POLN: variants seen among roughly 807,000 people sequenced by gnomAD.
POLN encodes DNA polymerase N.
In POLN, 108 loss-of-function variants were observed where a neutral mutation model predicts 113.5. The ratio of observed to expected loss-of-function variants is 0.95; its 90% CI spans 0.81 to 1.12. The LOEUF (loss-of-function observed/expected upper bound fraction) is 1.12, where lower values mean the gene tolerates loss of function less well. Among genes scored for constraint, POLN ranks in the 50% most tolerant of loss-of-function variants. The pLI, the probability that POLN is intolerant of heterozygous loss-of-function variation, is 0.00. For missense variants in POLN, 1,097 were observed against 1,077.1 expected (o/e 1.02, Z -0.26); for synonymous variants, 386 against 391.5 (o/e 0.99, Z 0.17).
intron 19 of POLN, among the ~76,000 whole-genome samples, chr4:2,110,197 C>A (rs1449451997): frequency 1.3e-5 from 2 of 152,098 alleles, no homozygotes; most frequent in Non-Finnish European, 2.9e-5. Flanking sequence ...CCAATGAGAA[C>A]AAAGACACAA....
chr4:2,086,833 T>C (rs1296111781), intron 20 of POLN, among the ~76,000 whole-genome samples: 1 of 152,176 alleles, frequency 6.6e-6, no homozygotes, highest in Non-Finnish European at 1.5e-5. Context: ...AGGGTTGTAC[T>C]AGAGGGTGCT....
intron 23 of POLN, chr4:2,079,996 A>G (rs1730365457): frequency 1.0e-6 from 1 of 985,324 alleles, no homozygotes; most frequent in South Asian, 4.7e-5. Flanking sequence ...TCCCTGGGGC[A>G]GTGCTTAGAC....
At chr4:2,113,303 G>C (rs1256162498) in intron 19 of POLN, among the ~76,000 whole-genome samples, 3 of 150,498 alleles carry the variant, frequency 2.0e-5, no homozygotes, top group Admixed American at 2.0e-4. Context: ...GAGTTAATGG[G>C]TGCAGCACAC....
chr4:2,115,447 A>G (rs1731294454), intron 19 of POLN, among the ~76,000 whole-genome samples: 1 of 152,002 alleles, frequency 6.6e-6, no homozygotes, highest in African/African-American at 2.4e-5. Context: ...ATTGAAATTT[A>G]TCAACTCTTA....
intron 19 of POLN, among the ~76,000 whole-genome samples, chr4:2,108,220 A>G (rs998058974): frequency 6.6e-6 from 1 of 152,224 alleles, no homozygotes; most frequent in Non-Finnish European, 1.5e-5. Context: ...CCAAGACCCA[A>G]GGGCTCAGAT....
At chr4:2,203,605 T>G (rs1164577397) in intron 5 of POLN, among the ~76,000 whole-genome samples, 1 of 147,564 alleles carries the variant, frequency 6.8e-6, no homozygotes, top group African/African-American at 2.5e-5. Context: ...ATCTTCAAAC[T>G]GAACAACAAT....
intron 20 of POLN, among the ~76,000 whole-genome samples, chr4:2,094,431 G>A (rs1016680613): frequency 6.6e-6 from 1 of 150,910 alleles, no homozygotes; most frequent in Admixed American, 6.6e-5. Context: ...AGCCACAGAT[G>A]TGATCACAGC....
intron 19 of POLN, among the ~76,000 whole-genome samples, chr4:2,121,752 T>A (rs1731449064): frequency 6.6e-6 from 1 of 152,100 alleles, no homozygotes; most frequent in South Asian, 2.1e-4. Flanking sequence ...TCATCCTTGT[T>A]AGAGTTTATC....
chr4:2,189,397 T>A (rs1305266695), intron 7 of POLN, among the ~76,000 whole-genome samples: 1 of 152,118 alleles, frequency 6.6e-6, no homozygotes, highest in East Asian at 1.9e-4. Flanking sequence ...CCCAGCACTT[T>A]GGGAGGCTGA....
intron 19 of POLN, among the ~76,000 whole-genome samples, chr4:2,105,969 T>TA (rs1731056770): frequency 6.6e-6 from 1 of 152,126 alleles, no homozygotes; most frequent in South Asian, 2.1e-4. Flanking sequence ...CTTCTTAAGA[T>TA]GCCCTGGAAG....
At chr4:2,131,409 G>T in intron 16 of POLN, 119 bp from the exon 17 acceptor site, 2 of 649,106 alleles carry the variant, frequency 3.1e-6, no homozygotes, top group South Asian at 2.0e-5. Flanking sequence ...AATGTAACAT[G>T]CATAAGCACA....
At chr4:2,193,502 A>T (rs1283585660) in intron 6 of POLN, among the ~76,000 whole-genome samples, 186 bp from the exon 7 acceptor site, 1 of 152,172 alleles carries the variant, frequency 6.6e-6, no homozygotes, top group Non-Finnish European at 1.5e-5. Flanking sequence ...TGAGACACAG[A>T]GAGACGAGAT....
At chr4:2,218,259 C>A (rs1449912264) in intron 3 of POLN, among the ~76,000 whole-genome samples, 1 of 148,332 alleles carries the variant, frequency 6.7e-6, no homozygotes, top group Non-Finnish European at 1.5e-5. Flanking sequence ...TGGAGAAAGC[C>A]CGTCTCTACT....
At chr4:2,241,038 T>C in intron 2 of POLN, 1 of 911,552 alleles carries the variant, frequency 1.1e-6, no homozygotes, top group South Asian at 1.5e-5. Flanking sequence ...AGCTACGTTT[T>C]ATACCAAGTC....
intron 15 of POLN, among the ~76,000 whole-genome samples, chr4:2,157,615 T>C (rs1204381279): frequency 6.7e-6 from 1 of 149,592 alleles, no homozygotes; most frequent in East Asian, 2.0e-4. Context: ...CCCAGCTACT[T>C]GGGAGGCTGA....
At chr4:2,078,712 C>T in intron 23 of POLN, 2 of 985,476 alleles carry the variant, frequency 2.0e-6, no homozygotes, top group Non-Finnish European at 2.4e-6. Context: ...AGACCATGTG[C>T]CCAATATTCC....
rs564784470 is a variant in POLN, at chr4:2,228,510, TGTATTTTTA to T, written c.133+580_133+588del. The T allele has an allele frequency of 6.6e-4, 130 of 196,134 alleles. 1 individual carries two copies. Among genetic ancestry groups the T allele is most frequent in the South Asian group, 5.0e-3 (88 of 17,774 alleles). The allele number at this position is 196,134 out of a possible 1,614,324, so 12.1% of individuals were successfully genotyped here. On this transcript the variant is annotated intron_variant, in intron 3 of 25. Transcript: ENST00000511885. ...CTACCACCACTCCCAGCTAATTTTT[TGTATTTTTA>T]GTAGAGACAGTGTTTTACCGTGTTA...
chr4:2,200,344 C>T (rs552749866), intron 5 of POLN, among the ~76,000 whole-genome samples: 9 of 152,330 alleles, frequency 5.9e-5, no homozygotes, highest in Non-Finnish European at 1.0e-4. Flanking sequence ...GCAGCTCCCA[C>T]TGGGACAGAC....
At chr4:2,226,229 G>A (rs151183651) in intron 3 of POLN, among the ~76,000 whole-genome samples, 33 of 152,306 alleles carry the variant, frequency 2.2e-4, no homozygotes, top group African/African-American at 7.0e-4. Flanking sequence ...CCTTGGAAAT[G>A]GCACCCGCTG....
Sources: allele counts gnomAD v4.1 joint callset (sites outside exome capture counted in the v4.1 genomes callset), GRCh38; gene constraint gnomAD v4.1.1; transcripts MANE v1.5; gene names NCBI Gene and HGNC (gene_info 2026-07-23, HGNC 2026-07-21).